MGAT5: variants seen among roughly 807,000 people sequenced by gnomAD.
MGAT5 encodes the protein alpha-1,6-mannosylglycoprotein 6-beta-N-acetylglucosaminyltransferase A.
MGAT5 carries 30 observed loss-of-function variants against 94.3 expected under a neutral mutation model. The observed-to-expected ratio is 0.32, with a 90% CI of 0.24 to 0.43. MGAT5 has a LOEUF of 0.43. Ranked by LOEUF, MGAT5 falls within the 20% of genes least tolerant of loss-of-function variation. MGAT5 has a pLI of 1.00. For synonymous variants in MGAT5, 310 were observed against 322.9 expected, an observed-to-expected ratio of 0.96 and a Z score of 0.43; for missense variants, 691 against 905.5, an observed-to-expected ratio of 0.76 and a Z score of 3.04.
intron 2 of MGAT5, among the ~76,000 whole-genome samples, chr2:134,286,014 ACTT>A (rs1004875101): frequency 4.6e-5 from 7 of 152,268 alleles, no homozygotes; most frequent in African/African-American, 1.7e-4. Context: ...TTAATAATTT[ACTT>A]CTTATGTTTG....
At chr2:134,235,875 C>T (rs1256985958) in intron 1 of MGAT5, among the ~76,000 whole-genome samples, 1 of 152,040 alleles carries the variant, frequency 6.6e-6, no homozygotes, top group African/African-American at 2.4e-5. Context: ...CTTTGGTTTT[C>T]TGTTTTGCAT....
At chr2:134,258,050 T>C (rs1451466048) in intron 1 of MGAT5, among the ~76,000 whole-genome samples, 3 of 152,086 alleles carry the variant, frequency 2.0e-5, no homozygotes, top group Non-Finnish European at 2.9e-5. Context: ...AGTAGGTATT[T>C]GAGGGATTGT....
At chr2:134,287,899 TACTTGGTATTTTCC>T (rs1212612433) in intron 2 of MGAT5, among the ~76,000 whole-genome samples, 2 of 152,248 alleles carry the variant, frequency 1.3e-5, no homozygotes, top group Non-Finnish European at 2.9e-5. Context: ...TCTGTGTAAA[TACTTGGTATTTTCC>T]TTTGAAAAAT....
chr2:134,271,687 A>G (rs1253822630), intron 2 of MGAT5, among the ~76,000 whole-genome samples: 2 of 152,172 alleles, frequency 1.3e-5, no homozygotes, highest in African/African-American at 4.8e-5. Flanking sequence ...TGCAAAATAT[A>G]TTTCTAATAA....
chr2:134,191,729 C>T (rs187839799), intron 1 of MGAT5, among the ~76,000 whole-genome samples: 6 of 146,946 alleles, frequency 4.1e-5, no homozygotes, highest in Admixed American at 6.7e-5. Context: ...GGTGGGTTCG[C>T]GCCCTCCTCC....
intron 11 of MGAT5, among the ~76,000 whole-genome samples, chr2:134,404,709 A>G (rs1253433921): frequency 6.6e-6 from 1 of 152,208 alleles, no homozygotes; most frequent in African/African-American, 2.4e-5. Context: ...TGCCACAAAT[A>G]AAATGATTTG....
intron 10 of MGAT5, among the ~76,000 whole-genome samples, chr2:134,396,456 G>T (rs1344089062): frequency 2.6e-5 from 4 of 151,830 alleles, no homozygotes; most frequent in African/African-American, 7.3e-5. Flanking sequence ...TTTTTTGTTT[G>T]CCTTGCAGTT....
At chr2:134,283,119 C>A (rs754495635) in intron 2 of MGAT5, among the ~76,000 whole-genome samples, 2 of 152,092 alleles carry the variant, frequency 1.3e-5, no homozygotes, top group Middle Eastern at 3.2e-3. Flanking sequence ...ATTGGTTCAG[C>A]ATGTGATGAG....
At chr2:134,185,404 G>A (rs1358030851) in intron 1 of MGAT5, among the ~76,000 whole-genome samples, 7 of 152,176 alleles carry the variant, frequency 4.6e-5, no homozygotes, top group African/African-American at 7.2e-5. Context: ...GCTTGACGTT[G>A]AGCTGATTAC....
intron 1 of MGAT5, among the ~76,000 whole-genome samples, chr2:134,160,408 G>A (rs1455415199): frequency 1.3e-5 from 2 of 152,198 alleles, no homozygotes; most frequent in Non-Finnish European, 2.9e-5. Flanking sequence ...TCCTGACCTC[G>A]TGATCCGCCT....
Position 134,336,261 on chromosome 2 carries a change from C to T in MGAT5, c.618C>T (p.Pro206=), listed in dbSNP as rs147817518. The change falls in exon 5 of 16, where the codon CCC becomes CCT. Residue 206 remains proline, a synonymous_variant. Coordinates refer to ENST00000281923, the MANE Select transcript of MGAT5 (RefSeq NM_002410.5). ...ATTTACCTTGGAGAGCAAAAAATCC[C>T]TACGAAGAAGCTGATCATAATTCAT... The part of the protein sequence containing the change: ...CPHLPWRAKN[P]YEEADHNSLA... The T allele has an allele frequency of 5.6e-6, 9 of 1,612,596 alleles. No homozygotes were observed. In the African/African-American group the frequency reaches 9.4e-5, roughly 17 times the overall value.
At chr2:134,231,135 G>A (rs1558999947) in intron 1 of MGAT5, 2 of 152,170 alleles carry the variant, frequency 1.3e-5, no homozygotes, top group Non-Finnish European at 2.9e-5. Context: ...GGAGGGGTTA[G>A]GAGGTGGTAG....
chr2:134,341,909 A>T (rs958498604), intron 7 of MGAT5, 150 bp downstream of exon 7: 1 of 639,668 alleles, frequency 1.6e-6, no homozygotes, highest in African/African-American at 1.9e-5. Flanking sequence ...TATTTTCAGG[A>T]GCTAAATACA....
At chr2:134,423,733 T>C (rs886738289) in intron 13 of MGAT5, among the ~76,000 whole-genome samples, 2 of 152,200 alleles carry the variant, frequency 1.3e-5, no homozygotes, top group Non-Finnish European at 2.9e-5. Context: ...CTTCCCCTCA[T>C]GTATAATGTA....
intron 10 of MGAT5, among the ~76,000 whole-genome samples, chr2:134,378,263 G>A (rs975525814): frequency 6.6e-6 from 1 of 152,182 alleles, no homozygotes; most frequent in East Asian, 1.9e-4. Flanking sequence ...CTAGAAGTGG[G>A]GAGGTGGAGA....
chr2:134,444,239 T>A (rs1685649374), intron 15 of MGAT5, among the ~76,000 whole-genome samples: 1 of 152,180 alleles, frequency 6.6e-6, no homozygotes, highest in South Asian at 2.1e-4. Flanking sequence ...CCAAGACGGA[T>A]AAGCCAGCCC....
chr2:134,136,850 T>C (rs896890570), intron 1 of MGAT5, among the ~76,000 whole-genome samples: 1 of 152,176 alleles, frequency 6.6e-6, no homozygotes, highest in Non-Finnish European at 1.5e-5. Context: ...GGTGCGTTTG[T>C]AGAGTGGGTG....
intron 1 of MGAT5, among the ~76,000 whole-genome samples, chr2:134,130,618 T>G (rs1170051881): frequency 1.3e-5 from 2 of 152,128 alleles, no homozygotes; most frequent in African/African-American, 4.8e-5. Context: ...CTTGGAGAAC[T>G]TTTATGTCTA....
At chr2:134,375,628 T>G (rs1237160595) in intron 10 of MGAT5, among the ~76,000 whole-genome samples, 1 of 152,242 alleles carries the variant, frequency 6.6e-6, no homozygotes, top group Admixed American at 6.5e-5. Context: ...AAGATATGTC[T>G]GCCTTTAGAG....
Sources: allele counts gnomAD v4.1 joint callset (sites outside exome capture counted in the v4.1 genomes callset), GRCh38; gene constraint gnomAD v4.1.1; transcripts MANE v1.5; gene names NCBI Gene and HGNC (gene_info 2026-07-23, HGNC 2026-07-21).